The following MYL10 variants were observed in gnomAD, a reference collection of about 807,000 sequenced individuals.
MYL10 encodes the protein myosin light chain 10.
In MYL10, 18 loss-of-function variants were observed where a neutral mutation model predicts 21.9. That is an observed-to-expected ratio of 0.82 (90% CI 0.57 to 1.22). The LOEUF (loss-of-function observed/expected upper bound fraction) is 1.22. Among genes scored for constraint, MYL10 ranks in the 50% most tolerant of loss-of-function variants. The pLI is 0.00. For missense variants in MYL10, 225 were observed against 230.4 expected, an observed-to-expected ratio of 0.98 and a Z score of 0.15; for synonymous variants, 88 against 82.8, an observed-to-expected ratio of 1.06 and a Z score of -0.34.
intron 1 of MYL10, among the ~76,000 whole-genome samples, chr7:101,625,104 T>C (rs1170978237): frequency 6.6e-6 from 1 of 152,184 alleles, no homozygotes; most frequent in African/African-American, 2.4e-5. Context: ...AAAGTGGGGA[T>C]CAGCCAGTGC....
Position 101,615,082 on chromosome 7 carries a change from C to A in MYL10, c.533+1138G>T, listed in dbSNP as rs144978155. On this transcript the variant is annotated intron_variant, in intron 6 of 7. Coordinates refer to ENST00000223167, the MANE Select transcript of MYL10 (RefSeq NM_138403.5). ...GTTCCCTTGCTGTCACTGGGTGGGG[C>A]ACCCCTACCCTCATGATGGCAGCCC... Among the ~76,000 whole-genome samples the A allele has an allele frequency of 3.2e-3, 487 of 152,266 alleles. 2 individuals are homozygous for A. The highest frequency in any genetic ancestry group is 5.0e-3 in the Non-Finnish European group (342 of 68,006).
In MYL10 at chr7:101,616,163, C is replaced by A. The variant is rs138854837; in HGVS notation, c.533+57G>T. The A allele has an allele frequency of 3.5e-4, 537 of 1,514,616 alleles. 2 individuals carry two copies. In the African/African-American group the frequency reaches 5.9e-3, roughly 17 times the overall value. The allele number at this position is 1,514,616 out of a possible 1,614,324, so 93.8% of individuals were successfully genotyped here. A position where few individuals can be genotyped will look rare whatever the true frequency, so the allele number is the denominator to read the frequency against. On this transcript the variant is annotated intron_variant, in intron 6 of 7. Coordinates refer to ENST00000223167, the MANE Select transcript of MYL10 (RefSeq NM_138403.5). ...GACTGGGCGACCATCCACCCTGACC[C>A]CAGCCCAAAGCTGGCTTATTCCCCT...
Position 101,624,199 on chromosome 7 carries a change from A to G in MYL10, c.144T>C (p.Asp48=). ...CTTTAAACTCCTGGATCTGGGACTG[A>G]TCAAACATGGAGAAGACGTTGGAGC... ...TASSNVFSMF[D]QSQIQEFKES... is the part of the protein sequence containing the mutation. The change falls in exon 2 of 8, where the codon GAT becomes GAC. Residue 48 remains aspartate (D), a synonymous_variant. Transcript: ENST00000223167. 1 of 1,613,624 alleles carries G rather than the reference A, an allele frequency of 6.2e-7. No homozygotes were observed. Among genetic ancestry groups the G allele is most frequent in the Non-Finnish European group, 8.5e-7 (1 of 1,179,768 alleles).
chr7:101,623,883 G>A (rs1796712490), intron 3 of MYL10, 37 bp downstream of exon 3: 1 of 264,504 alleles, frequency 3.8e-6, no homozygotes, highest in East Asian at 1.1e-4. Context: ...CAAAAAATTA[G>A]CTGGGCATGG....
At chr7:101,621,330 A>G (rs1188849258) in intron 5 of MYL10, among the ~76,000 whole-genome samples, 1 of 151,986 alleles carries the variant, frequency 6.6e-6, no homozygotes, top group East Asian at 1.9e-4. Flanking sequence ...GAGTCTCTTC[A>G]TTTGTGAATG....
At chr7:101,614,066 G>T (rs1796581130) in intron 6 of MYL10, among the ~76,000 whole-genome samples, 1 of 151,910 alleles carries the variant, frequency 6.6e-6, no homozygotes, top group Middle Eastern at 3.4e-3. Context: ...CCTGATTCTG[G>T]ACACACTCTT....
chr7:101,625,778 G>T (rs916016029), intron 1 of MYL10, among the ~76,000 whole-genome samples: 1 of 152,272 alleles, frequency 6.6e-6, no homozygotes, highest in East Asian at 1.9e-4. Flanking sequence ...CTTCCCCACA[G>T]AGTTCATCCC....
In MYL10 at chr7:101,623,064, G is replaced by T. The variant is rs1399672605; in HGVS notation, c.282C>A (p.Thr94=). ...AGCCATCACGGTTCTGGTCCATGAT[G>T]GTGAAAGCCTGGCAGAGACACAGGT... The part of the protein sequence containing the change: ...NSPASASQAF[T]IMDQNRDGFI... The change falls in exon 4 of 8, where the codon ACC becomes ACA. Residue 94 remains threonine, a synonymous_variant. Transcript: ENST00000223167. The T allele has an allele frequency of 3.7e-6, 6 of 1,613,716 alleles. No homozygotes were observed. The highest frequency in any genetic ancestry group is 2.7e-5 in the African/African-American group (2 of 74,932).
chr7:101,625,975 G>A (rs1478608713), intron 1 of MYL10, among the ~76,000 whole-genome samples: 2 of 150,372 alleles, frequency 1.3e-5, no homozygotes, highest in Non-Finnish European at 1.5e-5. Flanking sequence ...AGCTCCACGA[G>A]GGAGGGAGAG....
intron 1 of MYL10, among the ~76,000 whole-genome samples, chr7:101,627,771 A>G (rs987209093): frequency 6.6e-6 from 1 of 152,230 alleles, no homozygotes; most frequent in Non-Finnish European, 1.5e-5. Context: ...AAGACCCAGG[A>G]AGGGGCATTT....
intron 5 of MYL10, among the ~76,000 whole-genome samples, chr7:101,621,828 C>A (rs957114319): frequency 1.3e-5 from 2 of 152,254 alleles, no homozygotes; most frequent in East Asian, 1.9e-4. Context: ...TCAAGCAAAC[C>A]GCCCGCCTCA....
At position 101,623,986 on chromosome 7, in the gene MYL10, G is replaced by A; in HGVS notation, c.207C>T (p.Gly69=). ...LALSPRLERN[G]MISAHCNLCL... is the part of the protein sequence containing the mutation. Reference sequence around the variant, plus strand: ...AGAGGTTGCAGTGAGCCGAGATCATGCCATTGCGCTCCAGCCTGGGCGACA... The same window carrying A: ...AGAGGTTGCAGTGAGCCGAGATCATACCATTGCGCTCCAGCCTGGGCGACA... The change falls in exon 3 of 8, where the codon GGC becomes GGT. Residue 69 remains glycine (G), a synonymous_variant. Coordinates refer to ENST00000223167, the MANE Select transcript of MYL10 (RefSeq NM_138403.5). 2 of 561,956 alleles carry A rather than the reference G, an allele frequency of 3.6e-6. No homozygotes were observed. Among genetic ancestry groups the A allele is most frequent in the South Asian group, 2.0e-5 (1 of 49,990 alleles). 34.8% of individuals were successfully genotyped at this position (561,956 alleles called of 1,614,324 possible). A position where few individuals can be genotyped will look rare whatever the true frequency, so the allele number is the denominator to read the frequency against.
chr7:101,624,465 G>A (rs1486171119), intron 1 of MYL10, among the ~76,000 whole-genome samples: 2 of 152,172 alleles, frequency 1.3e-5, no homozygotes, highest in Non-Finnish European at 1.5e-5. Context: ...AAGCCTGCAC[G>A]GCGTGCACCC....
intron 1 of MYL10, 43 bp downstream of exon 1, chr7:101,628,998 C>A (rs997993306): frequency 3.8e-5 from 17 of 451,972 alleles, no homozygotes; most frequent in Admixed American, 1.4e-4. Flanking sequence ...TCACCCAAGG[C>A]AGATAAGAAG....
chr7:101,622,868 T>G (rs1796696787), intron 4 of MYL10, 129 bp downstream of exon 4: 2 of 745,220 alleles, frequency 2.7e-6, no homozygotes, highest in South Asian at 3.8e-5. Flanking sequence ...AGACAGTGGC[T>G]GCCTTTACCC....
Position 101,621,851 on chromosome 7 carries a change from G to T in MYL10, c.454+245C>A, listed in dbSNP as rs538083690. ...ACCGCCCGCCTCAGTCTCCCTAAGT[G>T]CTGGGATTACAGGCGTGAGCCACCA... On this transcript the variant is annotated intron_variant, in intron 5 of 7. Transcript: ENST00000223167. Among the ~76,000 whole-genome samples, 3 of 152,254 alleles carry T rather than the reference G, an allele frequency of 2.0e-5. No homozygotes were observed. In the South Asian group the frequency reaches 6.2e-4, roughly 32 times the overall value.
intron 1 of MYL10, 95 bp from the exon 2 acceptor site, chr7:101,624,359 G>T: frequency 1.1e-6 from 1 of 899,486 alleles, no homozygotes; most frequent in Non-Finnish European, 1.7e-6. Context: ...GGTCCAGAAT[G>T]ACACCGCTTT....
intron 5 of MYL10, among the ~76,000 whole-genome samples, chr7:101,617,928 C>G (rs1015000914): frequency 6.6e-6 from 1 of 151,668 alleles, no homozygotes; most frequent in Non-Finnish European, 1.5e-5. Flanking sequence ...TAGATCAGGG[C>G]CTCATCTGTT....
Position 101,613,706 on chromosome 7 carries a change from TGA to T in MYL10, c.536_537del (p.Ile179LysfsTer13). ...EGKGFVKADV[I>X]KEKLMTQADR... ...TCTGCCTGGGTCATAAGTTTTTCTT[TGA>T]TGCTGTTCAAGGGAGAGACACAGTC... On this transcript the variant is annotated frameshift_variant and splice_region_variant, in exon 7 of 8. Coordinates refer to ENST00000223167, the MANE Select transcript of MYL10 (RefSeq NM_138403.5). LOFTEE classifies it high-confidence loss of function. 6.2e-7 allele frequency: 1 copy of T among 1,614,032 alleles called. No individual in the cohort carries two copies. The highest frequency in any genetic ancestry group is 1.7e-5 in the Admixed American group (1 of 59,996).
Sources: allele counts gnomAD v4.1 joint callset (sites outside exome capture counted in the v4.1 genomes callset), GRCh38; gene constraint gnomAD v4.1.1; transcripts MANE v1.5; gene names NCBI Gene and HGNC (gene_info 2026-07-23, HGNC 2026-07-21).